Variants in OPRM1 observed in about 807,000 individuals in gnomAD.
OPRM1 encodes the protein opioid receptor mu 1.
In OPRM1, 27 loss-of-function variants were observed where a neutral mutation model predicts 31.8. The observed-to-expected ratio is 0.85, with a 90% CI of 0.63 to 1.17. The LOEUF is 1.17. OPRM1 is among the 50% of genes most tolerant of loss of function. OPRM1 has a pLI of 0.00. For synonymous variants in OPRM1, 196 were observed against 189.9 expected (o/e 1.03, Z -0.26); for missense variants, 536 against 511.1 (o/e 1.05, Z -0.47).
At chr6:154,214,878 C>T (rs1371814621) in intron 3 of OPRM1, among the ~76,000 whole-genome samples, 1 of 152,140 alleles carries the variant, frequency 6.6e-6, no homozygotes, top group Non-Finnish European at 1.5e-5. Flanking sequence ...AATTAAACAT[C>T]AATAACAAAA....
At chr6:154,150,273 A>C (rs997668466) in intron 3 of OPRM1, among the ~76,000 whole-genome samples, 26 of 152,224 alleles carry the variant, frequency 1.7e-4, no homozygotes, top group Admixed American at 9.8e-4. Flanking sequence ...AGCCTATATT[A>C]ATAACCTCTC....
At chr6:154,244,629 T>G (rs1780885466) in intron 3 of OPRM1, among the ~76,000 whole-genome samples, 1 of 152,170 alleles carries the variant, frequency 6.6e-6, no homozygotes, top group African/African-American at 2.4e-5. Context: ...AGCATGAAGT[T>G]CCTAATGCCT....
chr6:154,199,988 G>A, intron 3 of OPRM1: 1 of 1,614,182 alleles, frequency 6.2e-7, no homozygotes, highest in East Asian at 2.2e-5. Flanking sequence ...GGAAGAGAAA[G>A]AATACGACGT....
intron 3 of OPRM1, among the ~76,000 whole-genome samples, chr6:154,114,040 G>C (rs1302897433): frequency 1.3e-5 from 2 of 152,266 alleles, no homozygotes; most frequent in East Asian, 3.9e-4. Flanking sequence ...TAGGTGGTCT[G>C]CTGCAACAGC....
upstream of OPRM1, among the ~76,000 whole-genome samples, chr6:154,037,189 G>A (rs17084907): frequency 6.7e-3 from 1,023 of 151,984 alleles, 9 homozygotes; most frequent in African/African-American, 0.023. Context: ...GAAAGTTTCC[G>A]TAATCAAACA....
At chr6:154,152,199 GAGAA>G (rs1399942991) in intron 3 of OPRM1, among the ~76,000 whole-genome samples, 6 of 132,546 alleles carry the variant, frequency 4.5e-5, no homozygotes, top group South Asian at 4.7e-4. Context: ...GAGAGAGAGA[GAGAA>G]AGAAAGAAGG....
intron 1 of OPRM1, among the ~76,000 whole-genome samples, chr6:154,019,780 C>T (rs1429396954): frequency 7.3e-6 from 1 of 137,672 alleles, no homozygotes; most frequent in Non-Finnish European, 1.5e-5. Flanking sequence ...CAGGGTCTCG[C>T]TCTGTTGCCC....
downstream of OPRM1, among the ~76,000 whole-genome samples, chr6:154,135,484 G>GATAGATATAGATATAGAT (rs58196022): frequency 7.9e-3 from 1,147 of 144,426 alleles, 8 homozygotes; most frequent in Middle Eastern, 0.018. Context: ...AAAATATATA[G>GATAGATATAGATATAGAT]ATAGATATAG....
chr6:154,208,414 T>C (rs150861664), intron 3 of OPRM1, among the ~76,000 whole-genome samples: 3 of 152,284 alleles, frequency 2.0e-5, no homozygotes, highest in Non-Finnish European at 4.4e-5. Flanking sequence ...GCTCCTCTAT[T>C]CTTTGCCACA....
At chr6:154,018,131 C>A (rs80045694) in intron 1 of OPRM1, among the ~76,000 whole-genome samples, 3,042 of 152,176 alleles carry the variant, frequency 0.02, 126 homozygotes, top group African/African-American at 0.07. Flanking sequence ...AGAATATATT[C>A]TTGGGGACCA....
At chr6:154,075,825 C>G (rs1371508834) in intron 1 of OPRM1, among the ~76,000 whole-genome samples, 2 of 152,182 alleles carry the variant, frequency 1.3e-5, no homozygotes, top group Non-Finnish European at 2.9e-5. Context: ...GTGAACACAT[C>G]TGGGGAATCC....
chr6:154,013,485 T>C (rs547893684), intron 1 of OPRM1, among the ~76,000 whole-genome samples: 1 of 152,304 alleles, frequency 6.6e-6, no homozygotes, highest in Admixed American at 6.5e-5. Context: ...ACCAATTTCA[T>C]TTTGGACAAA....
At chr6:154,164,016 A>T (rs1799233325) in intron 3 of OPRM1, among the ~76,000 whole-genome samples, 1 of 152,216 alleles carries the variant, frequency 6.6e-6, no homozygotes. Flanking sequence ...ATGCTTCCAA[A>T]ACAACTTTTC....
chr6:154,097,090 T>C (rs1793521257), intron 3 of OPRM1, among the ~76,000 whole-genome samples: 1 of 152,218 alleles, frequency 6.6e-6, no homozygotes, highest in Non-Finnish European at 1.5e-5. Flanking sequence ...AATGTAATTA[T>C]CCTTGGAAAA....
intron 3 of OPRM1, among the ~76,000 whole-genome samples, chr6:154,142,374 C>T (rs1463826543): frequency 1.3e-5 from 1 of 74,202 alleles, no homozygotes; most frequent in Non-Finnish European, 3.1e-5. Context: ...CGACCATGCA[C>T]ATTAAGAGGC....
downstream of OPRM1, among the ~76,000 whole-genome samples, chr6:154,136,698 C>T (rs1365970002): frequency 6.6e-6 from 1 of 152,142 alleles, no homozygotes; most frequent in Non-Finnish European, 1.5e-5. Flanking sequence ...TATACATCTC[C>T]TTTACTTCAA....
At chr6:154,072,094 A>G (rs557608810) in intron 1 of OPRM1, among the ~76,000 whole-genome samples, 1 of 152,178 alleles carries the variant, frequency 6.6e-6, no homozygotes, top group African/African-American at 2.4e-5. Flanking sequence ...CTTCTTTGGC[A>G]ATAGGAGAGG....
Position 154,183,170 on chromosome 6 carries a change from G to A in OPRM1, c.1165-63523G>A, listed in dbSNP as rs553166389. On this transcript the variant is annotated intron_variant, in intron 3 of 3. Transcript: ENST00000337049. The stretch of plus-strand genomic sequence containing the variant: ...AATTTTTTGTATTTTTAGTAGAGAC[G>A]GGGTTTCACTGTGTTAGCAAGGATG... Among the ~76,000 whole-genome samples, 82 of 152,010 alleles carry A rather than the reference G, an allele frequency of 5.4e-4. 1 individual carries two copies. The highest frequency in any genetic ancestry group is 9.3e-4 in the Non-Finnish European group (63 of 67,958).
chr6:154,137,616 A>T (rs1798090608), intron 3 of OPRM1, among the ~76,000 whole-genome samples: 1 of 152,224 alleles, frequency 6.6e-6, no homozygotes, highest in Non-Finnish European at 1.5e-5. Context: ...TTACAGTCTT[A>T]TTCCAATTAT....
Sources: allele counts gnomAD v4.1 joint callset (sites outside exome capture counted in the v4.1 genomes callset), GRCh38; gene constraint gnomAD v4.1.1; transcripts MANE v1.5; gene names NCBI Gene and HGNC (gene_info 2026-07-23, HGNC 2026-07-21).